MEGF10: variants seen among roughly 807,000 people sequenced by gnomAD.
MEGF10 encodes multiple epidermal growth factor-like domains protein 10.
A neutral mutation model predicts 147.5 loss-of-function variants in MEGF10; 86 were observed. That is an observed-to-expected ratio of 0.58 (90% CI 0.49 to 0.70). MEGF10 has a LOEUF of 0.70. Ranked by LOEUF, MEGF10 falls within the 30% of genes least tolerant of loss-of-function variation. The probability of loss-of-function intolerance (pLI) is 0.00; values close to 1 mark genes in which losing one functional copy is unlikely to be tolerated. For synonymous variants in MEGF10, 478 were observed against 525.5 expected, an observed-to-expected ratio of 0.91 and a Z score of 1.24; for missense variants, 1,329 against 1,487.3, an observed-to-expected ratio of 0.89 and a Z score of 1.75.
At chr5:127,454,637 C>T (rs768180994) in intron 23 of MEGF10, 27 bp downstream of exon 23, 2 of 1,583,818 alleles carry the variant, frequency 1.3e-6, no homozygotes, top group Admixed American at 1.8e-5. Context: ...AAGAAGAAAT[C>T]AGAAGCACAA....
intron 16 of MEGF10, among the ~76,000 whole-genome samples, chr5:127,435,968 C>A (rs1037981401): frequency 6.6e-6 from 1 of 152,152 alleles, no homozygotes; most frequent in African/African-American, 2.4e-5. Context: ...GGATTTCAGA[C>A]AGGAATTGTG....
chr5:127,383,018 C>A (rs1389715722), intron 5 of MEGF10, among the ~76,000 whole-genome samples: 5 of 152,124 alleles, frequency 3.3e-5, no homozygotes, highest in African/African-American at 1.2e-4. Flanking sequence ...GGCAGAGTAA[C>A]TTTAGAGATC....
intron 13 of MEGF10, among the ~76,000 whole-genome samples, chr5:127,430,038 C>T (rs1765342361): frequency 6.6e-6 from 1 of 152,126 alleles, no homozygotes; most frequent in Admixed American, 6.5e-5. Flanking sequence ...AAAGGACAGA[C>T]ACTTCTTTGG....
intron 1 of MEGF10, among the ~76,000 whole-genome samples, chr5:127,306,579 C>T (rs1353916148): frequency 6.6e-6 from 1 of 152,208 alleles, no homozygotes; most frequent in Admixed American, 6.5e-5. Context: ...CACAGCTTGG[C>T]TCCAGCTGCT....
At chr5:127,337,059 G>T (rs977072083) in intron 2 of MEGF10, among the ~76,000 whole-genome samples, 1 of 152,094 alleles carries the variant, frequency 6.6e-6, no homozygotes, top group African/African-American at 2.4e-5. Flanking sequence ...TTATTCGGGC[G>T]CAAAATTTGA....
intron 1 of MEGF10, among the ~76,000 whole-genome samples, chr5:127,294,804 A>ATAC: frequency 7.7e-6 from 1 of 129,768 alleles, no homozygotes; most frequent in African/African-American, 2.7e-5. Context: ...GTCTCAAATA[A>ATAC]TAATAATAAT....
At chr5:127,455,089 T>G (rs1766308640) in intron 23 of MEGF10, among the ~76,000 whole-genome samples, 1 of 152,146 alleles carries the variant, frequency 6.6e-6, no homozygotes, top group Admixed American at 6.5e-5. Flanking sequence ...AACAGCTGGT[T>G]TCTTGATTGA....
Position 127,435,365 on chromosome 5 carries a change from TC to T in MEGF10, c.1983del (p.Ser662ValfsTer87). The T allele has an allele frequency of 6.2e-7, 1 of 1,613,924 alleles. No homozygotes were observed. Among genetic ancestry groups the T allele is most frequent in the Non-Finnish European group, 8.5e-7 (1 of 1,179,882 alleles). ...FTGALCNEVC[P>X]SGRFGKNCAG... The stretch of plus-strand genomic sequence containing the variant: ...TGACCTATAGCTTATTCACAGTGTG[TC>T]CCAGTGGCAGATTTGGGAAAAACTG... On this transcript the variant is annotated frameshift_variant, in exon 16 of 25. Transcript: ENST00000503335. LOFTEE classifies it high-confidence loss of function.
chr5:127,329,925 C>A (rs1011945485), intron 1 of MEGF10, among the ~76,000 whole-genome samples: 3 of 152,146 alleles, frequency 2.0e-5, no homozygotes, highest in African/African-American at 7.2e-5. Flanking sequence ...CCGGGCCTGG[C>A]GCAGGTCCTA....
intron 1 of MEGF10, among the ~76,000 whole-genome samples, chr5:127,296,515 A>G (rs1248402958): frequency 1.3e-5 from 2 of 152,206 alleles, no homozygotes; most frequent in Non-Finnish European, 2.9e-5. Context: ...GGATATTAGC[A>G]TCTGTTAAAA....
chr5:127,302,982 G>A (rs1365268114), intron 1 of MEGF10, among the ~76,000 whole-genome samples: 1 of 151,992 alleles, frequency 6.6e-6, no homozygotes, highest in African/African-American at 2.4e-5. Flanking sequence ...GGAGGGAGAG[G>A]AGTATGGGCA....
the MEGF10 span, among the ~76,000 whole-genome samples, chr5:127,268,946 G>A: frequency 3.9e-5 from 6 of 152,234 alleles, no homozygotes; most frequent in Non-Finnish European, 8.8e-5. Context: ...TCGCTGTTCT[G>A]CAGCCTCCGC....
chr5:127,415,640 A>C (rs1335351513), intron 9 of MEGF10, among the ~76,000 whole-genome samples: 2 of 152,148 alleles, frequency 1.3e-5, no homozygotes, highest in African/African-American at 4.8e-5. Context: ...ATGGTGGCTC[A>C]CGCTTATAAT....
At chr5:127,304,225 G>A (rs1414113772) in intron 1 of MEGF10, among the ~76,000 whole-genome samples, 1 of 152,132 alleles carries the variant, frequency 6.6e-6, no homozygotes, top group Non-Finnish European at 1.5e-5. Flanking sequence ...GTCTTGTTTT[G>A]GGCAGAAGCT....
intron 4 of MEGF10, among the ~76,000 whole-genome samples, chr5:127,363,100 C>T (rs143178142): frequency 2.0e-5 from 3 of 152,260 alleles, no homozygotes; most frequent in East Asian, 1.9e-4. Flanking sequence ...TGCACTAGGT[C>T]GTGACACCTT....
chr5:127,372,047 T>G (rs1334757313), intron 5 of MEGF10, among the ~76,000 whole-genome samples: 1 of 152,254 alleles, frequency 6.6e-6, no homozygotes, highest in Non-Finnish European at 1.5e-5. Context: ...TGTATCATTT[T>G]GTTCACTCTT....
Position 127,445,660 on chromosome 5 carries a change from A to G in MEGF10, c.2695A>G (p.Met899Val). 3 of 1,614,070 alleles carry G rather than the reference A, an allele frequency of 1.9e-6. No individual in the cohort carries two copies. Among genetic ancestry groups the G allele is most frequent in the Non-Finnish European group, 1.7e-6 (2 of 1,179,926 alleles). Residue 899 changes from methionine (M) to valine (V), a missense_variant, in exon 20 of 25, where the codon ATG becomes GTG. This residue lies in a region of MEGF10 where 343 missense variants were observed against 377.9 expected (regional missense o/e 0.91). Coordinates refer to ENST00000503335, the MANE Select transcript of MEGF10 (RefSeq NM_001256545.2). Reference sequence around the variant, plus strand: ...GCCAGCAGTTACCTACACCCCTGCTATGAGGGTCGTCAATGCAGATTATAC... The same window carrying G: ...GCCAGCAGTTACCTACACCCCTGCTGTGAGGGTCGTCAATGCAGATTATAC... ...SMPAVTYTPA[M>V]RVVNADYTIS...
chr5:127,251,643 A>C, the MEGF10 span, among the ~76,000 whole-genome samples: 3 of 152,204 alleles, frequency 2.0e-5, no homozygotes, highest in East Asian at 5.8e-4. Context: ...TTTGAAAGAA[A>C]TACATTTAGA....
At chr5:127,333,517 AAT>A (rs145619126) in intron 2 of MEGF10, among the ~76,000 whole-genome samples, 67,272 of 147,500 alleles carry the variant, frequency 0.46, 15,451 homozygotes, top group Middle Eastern at 0.57. Flanking sequence ...CCTCAAAAAA[AAT>A]AAAAATAAAA....
Sources: allele counts gnomAD v4.1 joint callset (sites outside exome capture counted in the v4.1 genomes callset), GRCh38; gene constraint gnomAD v4.1.1; regional missense constraint gnomAD v4.1.1; transcripts MANE v1.5; gene names NCBI Gene and HGNC (gene_info 2026-07-23, HGNC 2026-07-21).